The following RAP1A variants were observed in gnomAD, a reference collection of about 807,000 sequenced individuals.
RAP1A encodes RAP1A, member of RAS oncogene family.
RAP1A carries 6 observed loss-of-function variants against 26.4 expected under a neutral mutation model. The ratio of observed to expected loss-of-function variants is 0.23; its 90% CI spans 0.12 to 0.45. RAP1A has a LOEUF of 0.45. Among genes scored for constraint, RAP1A ranks in the 20% least tolerant of loss-of-function variants. The pLI is 0.99. For missense variants in RAP1A, 121 were observed against 217.2 expected (o/e 0.56, Z 2.78); for synonymous variants, 73 against 79.4 (o/e 0.92, Z 0.43).
intron 1 of RAP1A, chr1:111,627,343 G>A (rs1213704769): frequency 6.6e-6 from 1 of 151,788 alleles, no homozygotes; most frequent in East Asian, 1.9e-4. Flanking sequence ...TGAATGGGAT[G>A]TTGGTCTCCT....
rs370390877 is a variant in RAP1A at position 111,651,903 on chromosome 1, T to G, written c.-28+31969T>G. 2.2e-4 allele frequency among the ~76,000 whole-genome samples: 33 copies of G among 152,026 alleles called. No homozygotes were observed. In the East Asian group the frequency reaches 5.1e-3, roughly 23 times the overall value. The stretch of plus-strand genomic sequence containing the variant: ...CTGGGATTACAGGCGTGAGAGACCG[T>G]GCCCGGCTCCAAATATATGTATTTT... On this transcript the variant is annotated intron_variant, in intron 1 of 7. Coordinates refer to ENST00000369709, the MANE Select transcript of RAP1A (RefSeq NM_002884.4).
intron 1 of RAP1A, among the ~76,000 whole-genome samples, chr1:111,626,585 A>T (rs1027430095): frequency 6.6e-6 from 1 of 152,218 alleles, no homozygotes; most frequent in Non-Finnish European, 1.5e-5. Flanking sequence ...TGCAAATAGC[A>T]TGCGTAAATG....
chr1:111,619,443 C>T (rs975192979), upstream of RAP1A, among the ~76,000 whole-genome samples: 3 of 152,234 alleles, frequency 2.0e-5, no homozygotes, highest in African/African-American at 4.8e-5. Context: ...CTTTAAACCT[C>T]TGCGCTTAGT....
At chr1:111,655,298 G>T (rs764626392) in intron 1 of RAP1A, among the ~76,000 whole-genome samples, 2 of 150,306 alleles carry the variant, frequency 1.3e-5, no homozygotes, top group East Asian at 1.9e-4. Context: ...TAACTTGAGC[G>T]TGATAAACAG....
chr1:111,696,902 T>C (rs1292805502), intron 3 of RAP1A, among the ~76,000 whole-genome samples: 1 of 152,206 alleles, frequency 6.6e-6, no homozygotes, highest in Non-Finnish European at 1.5e-5. Context: ...TTGCTGTTTA[T>C]TTTAGTACTC....
At chr1:111,608,058 C>T (rs1346774700) in intron 1 of RAP1A, 4 of 157,796 alleles carry the variant, frequency 2.5e-5, no homozygotes, top group Admixed American at 6.5e-5. Context: ...CCACCTCCCT[C>T]CCGGACGGGG....
At chr1:111,702,652 C>A (rs1237647316) in intron 4 of RAP1A, among the ~76,000 whole-genome samples, 1 of 151,872 alleles carries the variant, frequency 6.6e-6, no homozygotes, top group Non-Finnish European at 1.5e-5. Context: ...ACTGCAACCT[C>A]CACCTCCCGG....
chr1:111,617,012 G>A (rs72695267), upstream of RAP1A, among the ~76,000 whole-genome samples: 19,722 of 152,110 alleles, frequency 0.13, 1,605 homozygotes, highest in South Asian at 0.17. Context: ...AGGTCCATAC[G>A]TGTGTGTGTG....
At chr1:111,704,567 T>A in intron 6 of RAP1A, 81 bp downstream of exon 6, 3 of 1,372,942 alleles carry the variant, frequency 2.2e-6, no homozygotes, top group South Asian at 1.6e-5. Context: ...TAAGAAAAAA[T>A]TTTTATCTTT....
intron 1 of RAP1A, among the ~76,000 whole-genome samples, chr1:111,575,561 C>A (rs1036455002): frequency 6.6e-6 from 1 of 152,140 alleles, no homozygotes; most frequent in African/African-American, 2.4e-5. Context: ...TGTCCCCCTG[C>A]CCAAGTTTAT....
intron 6 of RAP1A, among the ~76,000 whole-genome samples, chr1:111,705,623 A>G (rs983445583): frequency 1.3e-5 from 2 of 152,224 alleles, no homozygotes; most frequent in Admixed American, 6.5e-5. Flanking sequence ...GCAAATATTT[A>G]TTGACTATTG....
At chr1:111,543,150 GGT>G (rs1656906638) in intron 1 of RAP1A, among the ~76,000 whole-genome samples, 1 of 152,120 alleles carries the variant, frequency 6.6e-6, no homozygotes, top group African/African-American at 2.4e-5. Flanking sequence ...ACACAGCGCA[GGT>G]GACAGCTCTT....
At chr1:111,572,981 T>C (rs1057387320) in intron 1 of RAP1A, among the ~76,000 whole-genome samples, 2 of 152,182 alleles carry the variant, frequency 1.3e-5, no homozygotes, top group Non-Finnish European at 1.5e-5. Context: ...TTCCCACTTA[T>C]AAGAAAAAAT....
At chr1:111,609,347 A>AT (rs1031836675) in intron 1 of RAP1A, among the ~76,000 whole-genome samples, 10 of 151,870 alleles carry the variant, frequency 6.6e-5, no homozygotes, top group East Asian at 3.9e-4. Context: ...CATTATTATT[A>AT]TTTTTTTTAA....
At chr1:111,629,620 AT>A (rs1413550627) in intron 1 of RAP1A, among the ~76,000 whole-genome samples, 1 of 152,178 alleles carries the variant, frequency 6.6e-6, no homozygotes, top group African/African-American at 2.4e-5. Context: ...TAAAGTACTT[AT>A]TATTTTTATT....
chr1:111,590,025 C>T (rs1658439767), intron 1 of RAP1A, among the ~76,000 whole-genome samples: 1 of 152,218 alleles, frequency 6.6e-6, no homozygotes, highest in South Asian at 2.1e-4. Flanking sequence ...CTACCTCAGC[C>T]TCCCAAAGAT....
Position 111,703,465 on chromosome 1 carries a change from G to A in RAP1A, c.313G>A (p.Asp105Asn). The A allele has an allele frequency of 6.3e-7, 1 of 1,589,762 alleles. No homozygotes were observed. Among genetic ancestry groups the A allele is most frequent in the Non-Finnish European group, 8.5e-7 (1 of 1,170,434 alleles). ...DLREQILRVKDTEDVPMILVG... is the reference protein window; with the variant it reads ...DLREQILRVKNTEDVPMILVG... ...GAGGGAACAGATTTTACGGGTTAAG[G>A]ACACGGAAGATGTAAGTATTTTTTC... The change falls in exon 5 of 8, where the codon GAC (aspartate) becomes AAC (asparagine). Residue 105 changes from aspartate to asparagine, a missense_variant. Coordinates refer to ENST00000369709, the MANE Select transcript of RAP1A (RefSeq NM_002884.4).
chr1:111,573,183 A>C (rs192708629), intron 1 of RAP1A, among the ~76,000 whole-genome samples: 70 of 152,276 alleles, frequency 4.6e-4, no homozygotes, highest in African/African-American at 1.6e-3. Context: ...TGTATTTGCT[A>C]TTGTGAATAG....
intron 1 of RAP1A, chr1:111,650,557 A>C (rs1371661878): frequency 1.3e-5 from 2 of 152,220 alleles, no homozygotes; most frequent in African/African-American, 4.8e-5. Context: ...TTTTTAGAGC[A>C]GTTTTAGGTT....
Sources: allele counts gnomAD v4.1 joint callset (sites outside exome capture counted in the v4.1 genomes callset), GRCh38; gene constraint gnomAD v4.1.1; transcripts MANE v1.5; gene names NCBI Gene and HGNC (gene_info 2026-07-23, HGNC 2026-07-21).